HMGCL: variants seen among roughly 807,000 people sequenced by gnomAD.
The protein encoded by HMGCL is hydroxymethylglutaryl-CoA lyase, mitochondrial.
Under a neutral mutation model 37.3 loss-of-function variants are expected in HMGCL, and 26 were observed. That is an observed-to-expected ratio of 0.70 (90% CI 0.51 to 0.97). The LOEUF (loss-of-function observed/expected upper bound fraction) is 0.97. HMGCL is among the 50% of genes least tolerant of loss of function. The pLI, the probability that HMGCL is intolerant of heterozygous loss-of-function variation, is 0.00. For missense variants in HMGCL, 379 were observed against 398.1 expected (o/e 0.95, Z 0.41); for synonymous variants, 151 against 148.0 (o/e 1.02, Z -0.15).
intron 3 of HMGCL, 100 bp downstream of exon 3, chr1:23,817,376 G>C: frequency 1.3e-6 from 1 of 741,362 alleles, no homozygotes; most frequent in Non-Finnish European, 2.5e-6. Flanking sequence ...TCAAAGCCAG[G>C]GGCTTGGAAA....
chr1:23,815,707 G>T (rs1157140577), intron 4 of HMGCL, among the ~76,000 whole-genome samples: 1 of 151,916 alleles, frequency 6.6e-6, no homozygotes, highest in African/African-American at 2.4e-5. Flanking sequence ...GTGTTAGCCA[G>T]GATGGTCTCG....
At chr1:23,809,069 C>T (rs1418299609) in intron 6 of HMGCL, among the ~76,000 whole-genome samples, 1 of 150,666 alleles carries the variant, frequency 6.6e-6, no homozygotes, top group African/African-American at 2.4e-5. Context: ...CCACGCCCCA[C>T]TATTTTTTGT....
At chr1:23,813,235 T>G (rs1037042129) in intron 5 of HMGCL, among the ~76,000 whole-genome samples, 13 of 144,590 alleles carry the variant, frequency 9.0e-5, no homozygotes, top group Admixed American at 5.5e-4. Context: ...ATGTTTTTTT[T>G]TTTTTTTTTT....
chr1:23,816,537 G>T, intron 4 of HMGCL, 138 bp downstream of exon 4: 1 of 762,206 alleles, frequency 1.3e-6, no homozygotes, highest in Non-Finnish European at 2.4e-6. Flanking sequence ...GCAGGGCCAG[G>T]TTTGCCCCAG....
intron 5 of HMGCL, among the ~76,000 whole-genome samples, chr1:23,813,192 G>GT (rs1295867881): frequency 1.4e-5 from 2 of 142,448 alleles, no homozygotes; most frequent in African/African-American, 5.2e-5. Flanking sequence ...GTTCAGCCCA[G>GT]ATGTGCACTT....
rs548774204 is a variant in HMGCL at position 23,821,097 on chromosome 1, T to C, written c.61-504A>G. 3.5e-4 allele frequency among the ~76,000 whole-genome samples: 53 copies of C among 152,348 alleles called. No homozygotes were observed. The South Asian group carries it at 9.1e-3, about 26-fold the overall frequency. On this transcript the variant is annotated intron_variant, in intron 1 of 8. Coordinates refer to ENST00000374490, the MANE Select transcript of HMGCL (RefSeq NM_000191.3). ...ATTGCGGGGGGCAGTGGCTCATGCC[T>C]GTAATCCCAGTACTTTGGGAGGCCG...
intron 4 of HMGCL, among the ~76,000 whole-genome samples, chr1:23,815,864 T>TTTGA (rs1646311657): frequency 6.6e-6 from 1 of 151,490 alleles, no homozygotes; most frequent in Non-Finnish European, 1.5e-5. Context: ...AAAAAAAAAC[T>TTTGA]TTGATTTTCC....
intron 4 of HMGCL, among the ~76,000 whole-genome samples, chr1:23,816,109 G>A (rs1281738008): frequency 3.7e-5 from 5 of 136,090 alleles, no homozygotes; most frequent in East Asian, 2.1e-4. Context: ...TTTTTTTGTA[G>A]AGACAAGGTC....
chr1:23,820,373 C>T, intron 2 of HMGCL, 137 bp downstream of exon 2: 2 of 720,748 alleles, frequency 2.8e-6, no homozygotes, highest in Non-Finnish European at 2.5e-6. Context: ...CCCTGTTTGG[C>T]CTCCTCTACT....
intron 5 of HMGCL, among the ~76,000 whole-genome samples, chr1:23,813,234 T>G (rs940858675): frequency 4.9e-5 from 7 of 144,288 alleles, no homozygotes; most frequent in Non-Finnish European, 9.2e-5. Flanking sequence ...AATGTTTTTT[T>G]TTTTTTTTTT....
rs540695572 is a variant in HMGCL, at chr1:23,801,910, T to C, written c.*553A>G. Reference sequence around the variant, plus strand: ...TTATGATGTGCCATTCAACCTTTAATTACATAAGCTGTTTTCAAAAATCAC... The same window carrying C: ...TTATGATGTGCCATTCAACCTTTAACTACATAAGCTGTTTTCAAAAATCAC... On this transcript the variant is annotated 3_prime_UTR_variant, in exon 9 of 9. Coordinates refer to ENST00000374490, the MANE Select transcript of HMGCL (RefSeq NM_000191.3). 8.3e-5 allele frequency: 35 copies of C among 419,722 alleles called. No individual in the cohort carries two copies. Among genetic ancestry groups the C allele is most frequent in the Middle Eastern group, 6.1e-4 (1 of 1,628 alleles). 26.0% of individuals were successfully genotyped at this position (419,722 alleles called of 1,614,324 possible).
In HMGCL at chr1:23,806,294, C is replaced by T. The variant is rs1443870086; in HGVS notation, c.751-1769G>A. Among the ~76,000 whole-genome samples, 2 of 152,134 alleles carry T rather than the reference C, an allele frequency of 1.3e-5. No homozygotes were observed. Among genetic ancestry groups the T allele is most frequent in the Admixed American group, 1.3e-4 (2 of 15,260 alleles). Reference sequence around the variant, plus strand: ...GGAACATTTCAGATCATCTCCCTCCCCGCCCCTGCTCAAGACTCTCTGTTA... The same window carrying T: ...GGAACATTTCAGATCATCTCCCTCCTCGCCCCTGCTCAAGACTCTCTGTTA... On this transcript the variant is annotated intron_variant, in intron 7 of 8. Transcript: ENST00000374490. The surrounding 1 kb of genome is among the most constrained non-coding windows in gnomAD (Gnocchi z 4.0).
chr1:23,817,721 T>A (rs181467111), intron 2 of HMGCL, 138 bp from the exon 3 acceptor site: 2 of 698,418 alleles, frequency 2.9e-6, no homozygotes, highest in Non-Finnish European at 5.2e-6. Flanking sequence ...GTTATTTACA[T>A]AGAAACATTA....
At position 23,825,411 on chromosome 1, in the gene HMGCL, G is replaced by A. The variant is rs1438225471; in HGVS notation, c.5C>T (p.Ala2Val). The A allele has an allele frequency of 6.4e-7, 1 of 1,557,430 alleles. No individual in the cohort carries two copies. Among genetic ancestry groups the A allele is most frequent in the South Asian group, 1.2e-5 (1 of 84,540 alleles). MAAMRKALPRRL... is the reference protein window; with the variant it reads MVAMRKALPRRL... ...CCGCGGAAGCGCCTTCCTCATTGCT[G>A]CCATCTTGGCCCAGAATCCCCCGCG... is the stretch of plus-strand genomic sequence containing the variant. Residue 2 changes from alanine (A) to valine (V), a missense_variant, in exon 1 of 9, where the codon GCA becomes GTA. Transcript: ENST00000374490.
At chr1:23,816,423 A>C (rs996697758) in intron 4 of HMGCL, 3 of 547,996 alleles carry the variant, frequency 5.5e-6, no homozygotes, top group Non-Finnish European at 9.9e-6. Context: ...TTGCTAAGCA[A>C]TGTACATGCA....
In HMGCL at chr1:23,816,711, T is replaced by C; in HGVS notation, c.312A>G (p.Pro104=). ...GIQKFPGINY[P]VLTPNLKGFE... The stretch of plus-strand genomic sequence containing the variant: ...AGCCTTTCAAATTTGGGGTCAGGAC[T>C]GGGTAGTTGATGCCAGGAAACTTCT... Residue 104 remains proline, a synonymous_variant, in exon 4 of 9, where the codon CCA becomes CCG. Coordinates refer to ENST00000374490, the MANE Select transcript of HMGCL (RefSeq NM_000191.3). 6.2e-7 allele frequency: 1 copy of C among 1,613,608 alleles called. No individual in the cohort carries two copies.
At chr1:23,810,887 G>A in intron 5 of HMGCL, 88 bp from the exon 6 acceptor site, 1 of 1,048,688 alleles carries the variant, frequency 9.5e-7, no homozygotes, top group South Asian at 1.3e-5. Flanking sequence ...ACACATTTCT[G>A]ATCAGTGTGC....
At chr1:23,803,209 TTTC>T (rs748187127) in intron 8 of HMGCL, among the ~76,000 whole-genome samples, 29 of 146,192 alleles carry the variant, frequency 2.0e-4, no homozygotes, top group Non-Finnish European at 2.6e-4. Context: ...TAATTTTTCT[TTTC>T]TTTTTTTTGA....
At chr1:23,812,852 C>T (rs1638543874) in intron 5 of HMGCL, among the ~76,000 whole-genome samples, 1 of 152,120 alleles carries the variant, frequency 6.6e-6, no homozygotes, top group Non-Finnish European at 1.5e-5. Flanking sequence ...GCTTTTTAAC[C>T]AGGAGGGATG....
Sources: gnomAD v4.1 joint callset for allele counts (sites outside exome capture counted in the v4.1 genomes callset) on GRCh38, gnomAD v4.1.1 for gene constraint, Gnocchi (gnomAD v3.1) non-coding constraint, MANE v1.5 for transcripts, NCBI Gene and HGNC (gene_info 2026-07-23, HGNC 2026-07-21) for gene names.